Variants in TMEM232 observed in about 807,000 individuals in gnomAD.
The protein encoded by TMEM232 is transmembrane protein 232.
In TMEM232, 80 loss-of-function variants were observed where a neutral mutation model predicts 78.8. The observed-to-expected ratio is 1.01, with a 90% confidence interval of 0.85 to 1.22. The LOEUF is 1.22. Among genes scored for constraint, TMEM232 ranks in the 50% most tolerant of loss-of-function variants. The pLI, the probability that TMEM232 is intolerant of heterozygous loss-of-function variation, is 0.00. For missense variants in TMEM232, 881 were observed against 742.2 expected (o/e 1.19, Z -2.17); for synonymous variants, 297 against 254.3 (o/e 1.17, Z -1.60).
intron 11 of TMEM232, among the ~76,000 whole-genome samples, chr5:110,535,807 G>T (rs902787714): frequency 1.3e-5 from 2 of 152,160 alleles, no homozygotes; most frequent in Non-Finnish European, 2.9e-5. Flanking sequence ...GCATTAATCT[G>T]TGAGGCAGGA....
At chr5:110,473,890 C>CAAAAAAA (rs61351197) in intron 12 of TMEM232, among the ~76,000 whole-genome samples, 1 of 14,228 alleles carries the variant, frequency 7.0e-5, no homozygotes, top group Non-Finnish European at 1.4e-4. Flanking sequence ...AGCCAGACAC[C>CAAAAAAA]AAAAAAAAAA....
intron 11 of TMEM232, among the ~76,000 whole-genome samples, chr5:110,545,810 A>G (rs769218619): frequency 2.6e-5 from 4 of 152,072 alleles, no homozygotes; most frequent in African/African-American, 7.2e-5. Context: ...TTTCTTTTTG[A>G]TATTTTAGGT....
chr5:110,660,629 A>G (rs956339106), intron 2 of TMEM232, among the ~76,000 whole-genome samples: 1 of 152,156 alleles, frequency 6.6e-6, no homozygotes, highest in Non-Finnish European at 1.5e-5. Flanking sequence ...TTGACAAAAA[A>G]TATTATACTT....
chr5:110,542,751 C>G (rs928601595), intron 11 of TMEM232, among the ~76,000 whole-genome samples: 1 of 152,154 alleles, frequency 6.6e-6, no homozygotes, highest in Non-Finnish European at 1.5e-5. Context: ...ACCCCAACTT[C>G]TCATGCCCAA....
rs543664520 is a variant in TMEM232, at chr5:110,719,197, GTA to G, written c.-13+7428_-13+7429del. On this transcript the variant is annotated intron_variant, in intron 1 of 13. Transcript: ENST00000455884. ...TACATATGTATATACATGTATATAT[GTA>G]TATATATGTGTATATATGTATATAT... is the stretch of plus-strand genomic sequence containing the variant. Among the ~76,000 whole-genome samples the G allele has an allele frequency of 9.3e-5, 14 of 151,128 alleles. No individual in the cohort carries two copies. The East Asian group carries it at 9.7e-4, about 10-fold the overall frequency.
intron 1 of TMEM232, among the ~76,000 whole-genome samples, chr5:110,698,494 G>A (rs1333999294): frequency 6.6e-6 from 1 of 152,052 alleles, no homozygotes; most frequent in Non-Finnish European, 1.5e-5. Flanking sequence ...CCTTTAGGTT[G>A]ACAGATGGCA....
At chr5:110,533,637 CT>C (rs1489708865) in intron 11 of TMEM232, among the ~76,000 whole-genome samples, 1 of 152,200 alleles carries the variant, frequency 6.6e-6, no homozygotes, top group Non-Finnish European at 1.5e-5. Flanking sequence ...TGTACTCACT[CT>C]TTGTTAAGTC....
chr5:110,698,290 G>A (rs570930759), intron 1 of TMEM232, among the ~76,000 whole-genome samples: 2 of 152,018 alleles, frequency 1.3e-5, no homozygotes, highest in East Asian at 1.9e-4. Flanking sequence ...CTGTTGTGGG[G>A]TGGGTGGAGG....
intron 11 of TMEM232, among the ~76,000 whole-genome samples, chr5:110,568,106 A>G (rs1776543995): frequency 6.6e-6 from 1 of 151,904 alleles, no homozygotes; most frequent in African/African-American, 2.4e-5. Context: ...TTAACATGCT[A>G]CTTCAATCTA....
At chr5:110,628,235 A>AT (rs1784660798) in intron 5 of TMEM232, among the ~76,000 whole-genome samples, 1 of 152,108 alleles carries the variant, frequency 6.6e-6, no homozygotes, top group Admixed American at 6.6e-5. Flanking sequence ...GAGAAGAAAA[A>AT]ATATATTTTA....
At chr5:110,453,912 G>A (rs1037515119) in intron 12 of TMEM232, among the ~76,000 whole-genome samples, 3 of 148,914 alleles carry the variant, frequency 2.0e-5, no homozygotes, top group Non-Finnish European at 4.5e-5. Flanking sequence ...GGCTAAAAAA[G>A]AACATTACAA....
At chr5:110,454,105 C>A (rs1467926131) in intron 12 of TMEM232, among the ~76,000 whole-genome samples, 2 of 152,034 alleles carry the variant, frequency 1.3e-5, no homozygotes, top group Admixed American at 6.6e-5. Context: ...ATATAACAGA[C>A]AGAAAATCAA....
chr5:110,611,986 C>T (rs144669239), intron 8 of TMEM232, among the ~76,000 whole-genome samples: 43 of 152,162 alleles, frequency 2.8e-4, no homozygotes, highest in African/African-American at 9.9e-4. Flanking sequence ...AAGGACACGA[C>T]GACGTGTACT....
chr5:110,465,219 T>C (rs1381431989), intron 12 of TMEM232, among the ~76,000 whole-genome samples: 1 of 152,250 alleles, frequency 6.6e-6, no homozygotes. Flanking sequence ...GAAAGCTGTC[T>C]TGGCAAAATA....
intron 1 of TMEM232, among the ~76,000 whole-genome samples, chr5:110,677,757 T>C (rs1792201477): frequency 6.6e-6 from 1 of 152,146 alleles, no homozygotes. Context: ...TACAGCAAAA[T>C]TTTATGTTAG....
intron 12 of TMEM232, among the ~76,000 whole-genome samples, chr5:110,471,798 AAGTTGTT>A (rs1315378723): frequency 6.6e-6 from 1 of 152,110 alleles, no homozygotes; most frequent in African/African-American, 2.4e-5. Flanking sequence ...AGTAGAAACA[AAGTTGTT>A]TTTCAGAAAA....
intron 1 of TMEM232, among the ~76,000 whole-genome samples, chr5:110,676,310 G>A (rs1792015971): frequency 6.6e-6 from 1 of 151,774 alleles, no homozygotes; most frequent in Non-Finnish European, 1.5e-5. Flanking sequence ...TGGTTCCTAA[G>A]GTAGTTCTAT....
rs200170727 is a variant in TMEM232, at chr5:110,438,506, C to T, written c.1704-13590G>A. On this transcript the variant is annotated intron_variant, in intron 12 of 13. Coordinates refer to ENST00000455884, the MANE Select transcript of TMEM232 (RefSeq NM_001039763.4). ...GATTTGCCCTCCACTTAACATTGTTCATCTAATGTCACGCTACTTTCTATA... is the reference window on the plus strand; with the variant it reads ...GATTTGCCCTCCACTTAACATTGTTTATCTAATGTCACGCTACTTTCTATA... Among the ~76,000 whole-genome samples, 5 of 151,896 alleles carry T rather than the reference C, an allele frequency of 3.3e-5. No homozygotes were observed. In the East Asian group the frequency reaches 9.7e-4, roughly 30 times the overall value.
chr5:110,710,556 G>A (rs1796369105), intron 1 of TMEM232, among the ~76,000 whole-genome samples: 2 of 152,048 alleles, frequency 1.3e-5, no homozygotes, highest in South Asian at 4.1e-4. Flanking sequence ...ATGACGAAGA[G>A]AAATTTATCC....
Sources: gnomAD v4.1 joint callset for allele counts (sites outside exome capture counted in the v4.1 genomes callset) on GRCh38, gnomAD v4.1.1 for gene constraint, MANE v1.5 for transcripts, NCBI Gene and HGNC (gene_info 2026-07-23, HGNC 2026-07-21) for gene names.